The following BCAS1 variants were observed in gnomAD, a reference collection of about 807,000 sequenced individuals.
The protein encoded by BCAS1 is breast carcinoma-amplified sequence 1.
BCAS1 carries 46 observed loss-of-function variants against 65.4 expected under a neutral mutation model. The ratio of observed to expected loss-of-function variants is 0.70; its 90% CI spans 0.55 to 0.90. The LOEUF is 0.90. Among genes scored for constraint, BCAS1 ranks in the 40% least tolerant of loss-of-function variants. The probability of loss-of-function intolerance (pLI) is 0.00; values close to 1 mark genes in which losing one functional copy is unlikely to be tolerated. For synonymous variants in BCAS1, 298 were observed against 293.5 expected (o/e 1.02, Z -0.16); for missense variants, 793 against 771.2 (o/e 1.03, Z -0.33).
chr20:54,035,395 C>A lies in BCAS1; in HGVS notation c.143-6423G>T, dbSNP rs290459. On this transcript the variant is annotated intron_variant, in intron 3 of 12. Transcript: ENST00000688948. ...CAGCCTGGGCGACAGAGTGAGACTC[C>A]GTCTCAAAAAAAAAAAAAAAAAAAA... is the stretch of plus-strand genomic sequence containing the variant. 2.4e-5 allele frequency among the ~76,000 whole-genome samples: 3 copies of A among 124,840 alleles called. 1 individual carries two copies. The highest frequency in any genetic ancestry group is 3.3e-5 in the Non-Finnish European group (2 of 60,138). 81.9% of individuals were successfully genotyped at this position (124,840 alleles called of 152,430 possible).
At chr20:54,015,593 C>G (rs1412194893) in intron 4 of BCAS1, among the ~76,000 whole-genome samples, 1 of 152,148 alleles carries the variant, frequency 6.6e-6, no homozygotes, top group African/African-American at 2.4e-5. Flanking sequence ...AATCTGCCCA[C>G]TTAGGACAAC....
intron 12 of BCAS1, among the ~76,000 whole-genome samples, chr20:53,946,185 G>T (rs1286455496): frequency 1.3e-5 from 2 of 151,660 alleles, no homozygotes; most frequent in African/African-American, 2.4e-5. Context: ...AACACAAATA[G>T]CCCCCTAAAA....
intron 9 of BCAS1, among the ~76,000 whole-genome samples, chr20:53,973,169 C>A (rs1165101003): frequency 6.6e-6 from 1 of 152,166 alleles, no homozygotes; most frequent in Non-Finnish European, 1.5e-5. Context: ...GTGGAGGTTG[C>A]AGTGAGCCGA....
chr20:54,058,357 G>A (rs192913690), intron 2 of BCAS1, among the ~76,000 whole-genome samples: 5 of 152,230 alleles, frequency 3.3e-5, no homozygotes, highest in African/African-American at 7.2e-5. Context: ...GTTATTATGA[G>A]AGCACACCAT....
intron 1 of BCAS1, among the ~76,000 whole-genome samples, chr20:54,059,598 G>T (rs1489934934): frequency 6.6e-6 from 1 of 151,900 alleles, no homozygotes; most frequent in East Asian, 1.9e-4. Flanking sequence ...ACTTAAGGGC[G>T]AGAAAATGTT....
At chr20:53,977,132 C>A (rs1356136705) in intron 8 of BCAS1, among the ~76,000 whole-genome samples, 1 of 152,118 alleles carries the variant, frequency 6.6e-6, no homozygotes, top group Non-Finnish European at 1.5e-5. Context: ...ATAAAGCCAT[C>A]AGATCTTGTG....
At chr20:54,063,357 G>A (rs1444045799) in intron 1 of BCAS1, among the ~76,000 whole-genome samples, 1 of 152,110 alleles carries the variant, frequency 6.6e-6, no homozygotes, top group Non-Finnish European at 1.5e-5. Context: ...CCCTGAACAG[G>A]GCCTGGCACA....
intron 3 of BCAS1, among the ~76,000 whole-genome samples, chr20:54,045,107 G>A (rs985154424): frequency 2.0e-5 from 3 of 151,888 alleles, no homozygotes; most frequent in Non-Finnish European, 2.9e-5. Flanking sequence ...AGCTACACAG[G>A]AGGCTGAGGC....
At chr20:53,971,067 C>G (rs2090167035) in intron 9 of BCAS1, among the ~76,000 whole-genome samples, 1 of 152,208 alleles carries the variant, frequency 6.6e-6, no homozygotes. Context: ...CATGGTCAAG[C>G]TCCTTGACTG....
chr20:53,992,662 A>G lies in BCAS1; in HGVS notation c.928-16T>C. On this transcript the variant is annotated splice_polypyrimidine_tract_variant and intron_variant, in intron 6 of 12. Coordinates refer to ENST00000688948, the MANE Select transcript of BCAS1 (RefSeq NM_001366298.2). ...CTTTCGATGCCTTTGGGGCAACAGC[A>G]GTCACAACCTCAGAACTTTGTTTTT... The G allele has an allele frequency of 7.3e-7, 1 of 1,365,966 alleles. No homozygotes were observed. Among genetic ancestry groups the G allele is most frequent in the Non-Finnish European group, 9.8e-7 (1 of 1,021,706 alleles). 84.6% of individuals were successfully genotyped at this position (1,365,966 alleles called of 1,614,324 possible). A position where few individuals can be genotyped will look rare whatever the true frequency, so the allele number is the denominator to read the frequency against.
At chr20:54,048,507 G>GA (rs1234564948) in intron 3 of BCAS1, among the ~76,000 whole-genome samples, 3 of 151,040 alleles carry the variant, frequency 2.0e-5, no homozygotes, top group East Asian at 2.0e-4. Flanking sequence ...AATACAAGGA[G>GA]AAAAAAAAAT....
At position 54,028,932 on chromosome 20, in the gene BCAS1, A is replaced by C; in HGVS notation, c.183T>G (p.Thr61=). The C allele has an allele frequency of 1.2e-6, 2 of 1,613,800 alleles. No homozygotes were observed. The highest frequency in any genetic ancestry group is 1.3e-5 in the African/African-American group (1 of 75,024). ...GISVKTDNVA[T]SSPETTEISA... is the part of the protein sequence containing the mutation. Reference sequence around the variant, plus strand: ...TTATCTCCGTTGTCTCGGGGGAAGAAGTGGCCACATTATCCGTCTTGACAC... The same window carrying C: ...TTATCTCCGTTGTCTCGGGGGAAGACGTGGCCACATTATCCGTCTTGACAC... The change falls in exon 4 of 13, where the codon ACT becomes ACG. Residue 61 remains threonine, a synonymous_variant. Coordinates refer to ENST00000688948, the MANE Select transcript of BCAS1 (RefSeq NM_001366298.2).
intron 12 of BCAS1, among the ~76,000 whole-genome samples, chr20:53,952,678 G>T (rs1273080305): frequency 1.3e-5 from 2 of 152,164 alleles, no homozygotes; most frequent in African/African-American, 4.8e-5. Flanking sequence ...CTGAGCTTCA[G>T]CCAATCACAG....
In BCAS1 at chr20:54,000,022, G is replaced by A. The variant is rs116728015; in HGVS notation, c.724-3972C>T. Among the ~76,000 whole-genome samples the A allele has an allele frequency of 5.7e-3, 866 of 152,268 alleles. 11 individuals are homozygous for A. Among genetic ancestry groups the A allele is most frequent in the African/African-American group, 0.019 (798 of 41,548 alleles). On this transcript the variant is annotated intron_variant, in intron 4 of 12. Transcript: ENST00000688948. Reference sequence around the variant, plus strand: ...TAGGATTACAGGCATGAGCCACTGCGCCTGAGCCAATGGCCACGTTTTCAT... The same window carrying A: ...TAGGATTACAGGCATGAGCCACTGCACCTGAGCCAATGGCCACGTTTTCAT...
At chr20:54,058,420 C>T (rs1044853243) in intron 2 of BCAS1, among the ~76,000 whole-genome samples, 3 of 152,074 alleles carry the variant, frequency 2.0e-5, no homozygotes, top group Admixed American at 1.3e-4. Flanking sequence ...ACCCGTCGCA[C>T]GGAGGGGACC....
intron 1 of BCAS1, among the ~76,000 whole-genome samples, chr20:54,060,609 A>G (rs2092365353): frequency 6.6e-6 from 1 of 152,088 alleles, no homozygotes; most frequent in African/African-American, 2.4e-5. Context: ...GGCATGAGCC[A>G]CTGCGCCTGG....
chr20:53,946,679 C>T lies in BCAS1; in HGVS notation c.1816-1683G>A, dbSNP rs2145443005. On this transcript the variant is annotated intron_variant, in intron 12 of 12. Transcript: ENST00000688948. ...ATATAGTATACATATATAGTATAGT[C>T]AAGTATGGTAACTATAGCACAGTAT... is the stretch of plus-strand genomic sequence containing the variant. Among the ~76,000 whole-genome samples, 3 of 150,578 alleles carry T rather than the reference C, an allele frequency of 2.0e-5. No homozygotes were observed. The East Asian group carries it at 5.8e-4, about 29-fold the overall frequency.
At chr20:54,058,188 C>T (rs2092325705) in intron 2 of BCAS1, 34 bp from the exon 3 acceptor site, 12 of 1,595,600 alleles carry the variant, frequency 7.5e-6, no homozygotes, top group South Asian at 1.1e-5. Flanking sequence ...TGAGACAAAT[C>T]TTCGGGGGAA....
In BCAS1 at chr20:53,967,700, G is replaced by A. The variant is rs551478165; in HGVS notation, c.1318-627C>T. Among the ~76,000 whole-genome samples the A allele has an allele frequency of 6.4e-4, 97 of 152,338 alleles. No homozygotes were observed. The South Asian group carries it at 0.019, about 30-fold the overall frequency. ...AGAAACTGATGGCTAAGTTGTTCGC[G>A]GCCCTGGCCACTGTACCTAGTGAGC... On this transcript the variant is annotated intron_variant, in intron 9 of 12. Coordinates refer to ENST00000688948, the MANE Select transcript of BCAS1 (RefSeq NM_001366298.2).
Sources: allele counts gnomAD v4.1 joint callset (sites outside exome capture counted in the v4.1 genomes callset), GRCh38; gene constraint gnomAD v4.1.1; transcripts MANE v1.5; gene names NCBI Gene and HGNC (gene_info 2026-07-23, HGNC 2026-07-21).